The following METTL25 variants were observed in gnomAD, a reference collection of about 807,000 sequenced individuals.
METTL25 encodes methyltransferase like 25, also known as probable methyltransferase-like protein 25.
In METTL25, 64 loss-of-function variants were observed where a neutral mutation model predicts 71.6. The ratio of observed to expected loss-of-function variants is 0.89; its 90% CI spans 0.73 to 1.10. The LOEUF is 1.10. Ranked by LOEUF, METTL25 falls within the 50% of genes least tolerant of loss-of-function variation. The pLI, the probability that METTL25 is intolerant of heterozygous loss-of-function variation, is 0.00. For synonymous variants in METTL25, 287 were observed against 250.3 expected, an observed-to-expected ratio of 1.15 and a Z score of -1.38; for missense variants, 807 against 707.0, an observed-to-expected ratio of 1.14 and a Z score of -1.60.
At chr12:82,458,438 C>T (rs1158132640) in intron 9 of METTL25, among the ~76,000 whole-genome samples, 5 of 152,106 alleles carry the variant, frequency 3.3e-5, no homozygotes, top group Admixed American at 6.6e-5. Context: ...AGATTTACAA[C>T]TTACAGGAGC....
At chr12:82,432,585 AT>A (rs1181159975) in intron 6 of METTL25, among the ~76,000 whole-genome samples, 18 of 151,852 alleles carry the variant, frequency 1.2e-4, no homozygotes, top group African/African-American at 4.1e-4. Context: ...TAAAATAAAC[AT>A]TCAGAGAACC....
chr12:82,423,957 C>A (rs1565853138), intron 5 of METTL25, among the ~76,000 whole-genome samples: 1 of 152,156 alleles, frequency 6.6e-6, no homozygotes, highest in Non-Finnish European at 1.5e-5. Flanking sequence ...ACTAGTTCAA[C>A]CATTGTGGAA....
chr12:82,466,426 T>C (rs930395013), intron 9 of METTL25, among the ~76,000 whole-genome samples: 3 of 151,988 alleles, frequency 2.0e-5, no homozygotes, highest in South Asian at 2.1e-4. Context: ...GTTATTGATG[T>C]TTAGTTTTAT....
intron 5 of METTL25, among the ~76,000 whole-genome samples, chr12:82,419,414 G>A (rs1434031676): frequency 6.6e-6 from 1 of 152,070 alleles, no homozygotes; most frequent in Non-Finnish European, 1.5e-5. Flanking sequence ...CAACGAGAAG[G>A]CCTGGACAAG....
At chr12:82,388,050 T>C (rs1414193814) in intron 2 of METTL25, among the ~76,000 whole-genome samples, 1 of 152,124 alleles carries the variant, frequency 6.6e-6, no homozygotes, top group African/African-American at 2.4e-5. Flanking sequence ...CCCTTGCTTT[T>C]GTTTTTCCTG....
In METTL25 at chr12:82,448,614, TTA is replaced by T. The variant is rs1446540026; in HGVS notation, c.1479-8111_1479-8110del. ...ATATATAGTATTTTGCTACCTATAA[TTA>T]TGTTACCTAGTTTAATTTTAATTGT... On this transcript the variant is annotated intron_variant, in intron 8 of 11. Coordinates refer to ENST00000248306, the MANE Select transcript of METTL25 (RefSeq NM_032230.3). 2.6e-5 allele frequency among the ~76,000 whole-genome samples: 4 copies of T among 152,088 alleles called. No homozygotes were observed. The East Asian group carries it at 7.7e-4, about 29-fold the overall frequency.
At chr12:82,413,937 T>C (rs1422665983) in intron 5 of METTL25, among the ~76,000 whole-genome samples, 1 of 151,634 alleles carries the variant, frequency 6.6e-6, no homozygotes, top group East Asian at 1.9e-4. Context: ...CAGTTTTATA[T>C]GTTTGGGTTT....
intron 4 of METTL25, among the ~76,000 whole-genome samples, chr12:82,402,173 T>C (rs759727979): frequency 1.2e-4 from 18 of 152,100 alleles, no homozygotes; most frequent in Non-Finnish European, 2.5e-4. Context: ...CGATGTATAC[T>C]ATAAAATTTG....
chr12:82,407,267 T>C (rs1887175213), intron 5 of METTL25, among the ~76,000 whole-genome samples: 1 of 152,124 alleles, frequency 6.6e-6, no homozygotes, highest in Non-Finnish European at 1.5e-5. Context: ...AGTTAACAGA[T>C]TCTCAAGCAT....
intron 11 of METTL25, among the ~76,000 whole-genome samples, chr12:82,477,969 T>A (rs1892975932): frequency 6.6e-6 from 1 of 151,864 alleles, no homozygotes; most frequent in South Asian, 2.1e-4. Flanking sequence ...TCTTTAACAG[T>A]TTTATTTTGT....
At chr12:82,359,042 A>C (rs1006901923) in intron 1 of METTL25, 1 of 603,298 alleles carries the variant, frequency 1.7e-6, no homozygotes, top group Non-Finnish European at 2.9e-6. Context: ...GTGTATGTCC[A>C]CAATTTAAAG....
chr12:82,454,905 C>T (rs983544559), intron 8 of METTL25, among the ~76,000 whole-genome samples: 1 of 151,892 alleles, frequency 6.6e-6, no homozygotes, highest in Admixed American at 6.6e-5. Context: ...TACATCATGG[C>T]TCAGTTCTGA....
intron 2 of METTL25, among the ~76,000 whole-genome samples, chr12:82,389,591 A>T (rs1885379906): frequency 6.6e-6 from 1 of 152,098 alleles, no homozygotes; most frequent in Non-Finnish European, 1.5e-5. Flanking sequence ...TTTCCATTAT[A>T]GTTAATTGTT....
At chr12:82,471,856 A>G (rs1892588705) in intron 9 of METTL25, among the ~76,000 whole-genome samples, 2 of 152,202 alleles carry the variant, frequency 1.3e-5, no homozygotes, top group Non-Finnish European at 2.9e-5. Flanking sequence ...TCTCTTGGGT[A>G]TCTTTTTAAT....
chr12:82,417,203 C>T (rs1288558771), intron 5 of METTL25, among the ~76,000 whole-genome samples: 1 of 151,822 alleles, frequency 6.6e-6, no homozygotes, highest in African/African-American at 2.4e-5. Context: ...AAATACTTGA[C>T]TTGAAAAAAA....
chr12:82,386,494 C>CCTCCCATCCTCA (rs1854038945), intron 1 of METTL25, among the ~76,000 whole-genome samples: 1 of 142,904 alleles, frequency 7.0e-6, no homozygotes, highest in Non-Finnish European at 1.5e-5. Context: ...TTCCTTCCTC[C>CCTCCCATCCTCA]CTCCCTTCCT....
chr12:82,446,774 A>G (rs2731296), intron 8 of METTL25, among the ~76,000 whole-genome samples: 151,547 of 152,056 alleles, frequency 1, 75,522 homozygotes, highest in Middle Eastern at 1. Context: ...AAGCTACCAC[A>G]CCCGGCTAAT....
chr12:82,358,702 T>A lies in METTL25; in HGVS notation c.137T>A (p.Val46Glu). ...AHTVDFYTES[V>E]WEELVDLPPE... ...ACCGTGGATTTCTACACAGAATCCG[T>A]GTGGGAGGAGCTGGTCGACTTGCCA... Residue 46 changes from valine to glutamate, a missense_variant, in exon 1 of 12, where the codon GTG becomes GAG. Transcript: ENST00000248306. 6.2e-7 allele frequency: 1 copy of A among 1,613,876 alleles called. No individual in the cohort carries two copies. Among genetic ancestry groups the A allele is most frequent in the Non-Finnish European group, 8.5e-7 (1 of 1,179,964 alleles).
chr12:82,401,166 G>C (rs192784812), intron 4 of METTL25, among the ~76,000 whole-genome samples: 2 of 151,646 alleles, frequency 1.3e-5, no homozygotes, highest in Admixed American at 1.3e-4. Context: ...ACTTACAGGC[G>C]TAATTTTTTT....
Sources: allele counts gnomAD v4.1 joint callset (sites outside exome capture counted in the v4.1 genomes callset), GRCh38; gene constraint gnomAD v4.1.1; transcripts MANE v1.5; gene names NCBI Gene and HGNC (gene_info 2026-07-23, HGNC 2026-07-21).